GAREM1: variants seen among roughly 807,000 people sequenced by gnomAD.
GAREM1 encodes the protein GRB2-associated and regulator of MAPK protein 1.
GAREM1 carries 26 observed loss-of-function variants against 71.3 expected under a neutral mutation model. That is an observed-to-expected ratio of 0.36 (90% CI 0.27 to 0.51). GAREM1 has a LOEUF of 0.51. Among genes scored for constraint, GAREM1 ranks in the 20% least tolerant of loss-of-function variants. The pLI, the probability that GAREM1 is intolerant of heterozygous loss-of-function variation, is 0.95. For synonymous variants in GAREM1, 440 were observed against 433.2 expected, an observed-to-expected ratio of 1.02 and a Z score of -0.20; for missense variants, 1,026 against 1,103.1, an observed-to-expected ratio of 0.93 and a Z score of 0.99.
rs547076639 is a variant in GAREM1 at position 32,346,675 on chromosome 18, A to G, written c.263-36352T>C. Among the ~76,000 whole-genome samples the G allele has an allele frequency of 3.3e-5, 5 of 152,344 alleles. No homozygotes were observed. In the East Asian group the frequency reaches 9.6e-4, roughly 29 times the overall value. On this transcript the variant is annotated intron_variant, in intron 2 of 5. Transcript: ENST00000269209. The stretch of plus-strand genomic sequence containing the variant: ...GTTATGGGAATCAGAAAAACAACTG[A>G]ATTACTACTCCTAGTTGTGTCAGAC...
chr18:32,273,116 A>G (rs548157992), intron 4 of GAREM1, among the ~76,000 whole-genome samples: 1 of 152,396 alleles, frequency 6.6e-6, no homozygotes, highest in South Asian at 2.1e-4. Flanking sequence ...AAAATGTGAG[A>G]CGATAAGGAC....
intron 1 of GAREM1, among the ~76,000 whole-genome samples, chr18:32,395,451 T>G (rs2048243556): frequency 6.6e-6 from 1 of 152,014 alleles, no homozygotes; most frequent in Non-Finnish European, 1.5e-5. Flanking sequence ...AGATGCTGGG[T>G]GGGGGAAGTA....
At chr18:32,409,590 T>C (rs1038082049) in intron 1 of GAREM1, among the ~76,000 whole-genome samples, 27 of 152,164 alleles carry the variant, frequency 1.8e-4, no homozygotes, top group Non-Finnish European at 3.1e-4. Flanking sequence ...AGATTAGGGA[T>C]ATATTATTAC....
At chr18:32,351,240 G>A (rs2047747559) in intron 2 of GAREM1, among the ~76,000 whole-genome samples, 1 of 152,110 alleles carries the variant, frequency 6.6e-6, no homozygotes. Context: ...GAGTGCCTTA[G>A]TCACATATCC....
chr18:32,312,416 C>T (rs1221061075), intron 2 of GAREM1, among the ~76,000 whole-genome samples: 1 of 152,074 alleles, frequency 6.6e-6, no homozygotes, highest in Non-Finnish European at 1.5e-5. Context: ...ATGCTGCTTA[C>T]AGGACAGTGA....
chr18:32,466,771 T>C (rs1190147543), intron 1 of GAREM1, among the ~76,000 whole-genome samples: 2 of 152,180 alleles, frequency 1.3e-5, no homozygotes, highest in Admixed American at 1.3e-4. Flanking sequence ...ATAAGACTGA[T>C]GATCAATCAG....
chr18:32,282,542 G>C (rs945009069), intron 4 of GAREM1, among the ~76,000 whole-genome samples: 5 of 152,170 alleles, frequency 3.3e-5, no homozygotes, highest in Non-Finnish European at 7.3e-5. Context: ...TTGTTTGTTT[G>C]TTTGTTTTTC....
chr18:32,348,463 C>CTTTGGGAGGCTGGGCGTGGTGG (rs2047716878), intron 2 of GAREM1, among the ~76,000 whole-genome samples: 2 of 152,170 alleles, frequency 1.3e-5, no homozygotes, highest in Admixed American at 1.3e-4. Flanking sequence ...GTGGCTCACA[C>CTTTGGGAGGCTGGGCGTGGTGG]CTGTAATCCC....
chr18:32,283,049 G>A (rs925228375), intron 4 of GAREM1, among the ~76,000 whole-genome samples: 14 of 152,136 alleles, frequency 9.2e-5, no homozygotes, highest in African/African-American at 3.4e-4. Context: ...TCTGATCTGG[G>A]GGCACCTTGC....
At chr18:32,369,309 ATAGT>A (rs1191372820) in intron 2 of GAREM1, among the ~76,000 whole-genome samples, 2 of 152,228 alleles carry the variant, frequency 1.3e-5, no homozygotes, top group African/African-American at 2.4e-5. Flanking sequence ...TTGAGCAGAG[ATAGT>A]TAGGAATTAG....
intron 4 of GAREM1, among the ~76,000 whole-genome samples, chr18:32,276,668 G>A (rs1302125365): frequency 6.6e-6 from 1 of 152,184 alleles, no homozygotes; most frequent in Non-Finnish European, 1.5e-5. Context: ...CCAGAATGAT[G>A]ATCTGGTCTG....
chr18:32,295,144 A>G (rs1344443704), intron 3 of GAREM1, among the ~76,000 whole-genome samples: 1 of 151,996 alleles, frequency 6.6e-6, no homozygotes, highest in Non-Finnish European at 1.5e-5. Context: ...GGCTCGCTGC[A>G]ACCTCTGCCT....
intron 3 of GAREM1, among the ~76,000 whole-genome samples, chr18:32,302,866 G>A (rs80172426): frequency 1.9e-3 from 283 of 152,258 alleles, no homozygotes; most frequent in African/African-American, 6.4e-3. Context: ...AAAAGGTACC[G>A]CTGAAATCCT....
At chr18:32,463,955 T>C (rs2048975626) in intron 1 of GAREM1, among the ~76,000 whole-genome samples, 1 of 138,648 alleles carries the variant, frequency 7.2e-6, no homozygotes, top group Non-Finnish European at 1.5e-5. Flanking sequence ...AAAATGATCA[T>C]CCATCAGTGA....
intron 5 of GAREM1, among the ~76,000 whole-genome samples, chr18:32,269,472 C>T (rs993897136): frequency 6.6e-6 from 1 of 152,040 alleles, no homozygotes; most frequent in African/African-American, 2.4e-5. Flanking sequence ...AGGGGTCTGA[C>T]AGTGATGTCG....
At chr18:32,407,018 A>C (rs2048372274) in intron 1 of GAREM1, among the ~76,000 whole-genome samples, 2 of 152,240 alleles carry the variant, frequency 1.3e-5, no homozygotes, top group Admixed American at 6.5e-5. Flanking sequence ...GAGCAGGCAC[A>C]ATGAATAATT....
At chr18:32,430,946 G>GA in intron 1 of GAREM1, among the ~76,000 whole-genome samples, 1 of 152,202 alleles carries the variant, frequency 6.6e-6, no homozygotes, top group Non-Finnish European at 1.5e-5. Context: ...CAGAGAGCTA[G>GA]AAAATGTCAG....
chr18:32,346,847 C>A (rs902448865), intron 2 of GAREM1, among the ~76,000 whole-genome samples: 4 of 152,152 alleles, frequency 2.6e-5, no homozygotes, highest in African/African-American at 9.7e-5. Flanking sequence ...GGAGAACAGG[C>A]CTTGCAGACA....
intron 2 of GAREM1, among the ~76,000 whole-genome samples, chr18:32,311,600 G>A (rs1196956624): frequency 2.0e-5 from 3 of 151,934 alleles, no homozygotes; most frequent in African/African-American, 7.3e-5. Context: ...TTTGGTGTAG[G>A]TGAGGGAGGG....
Sources: allele counts gnomAD v4.1 joint callset (sites outside exome capture counted in the v4.1 genomes callset), GRCh38; gene constraint gnomAD v4.1.1; transcripts MANE v1.5; gene names NCBI Gene and HGNC (gene_info 2026-07-23, HGNC 2026-07-21).